Variants in FAT1 observed in about 807,000 individuals in gnomAD.
FAT1 encodes FAT atypical cadherin 1, also known as protocadherin Fat 1.
Under a neutral mutation model 329.8 loss-of-function variants are expected in FAT1, and 171 were observed. The observed-to-expected ratio is 0.52, with a 90% CI of 0.46 to 0.59. The LOEUF is 0.59. Ranked by LOEUF, FAT1 falls within the 20% of genes least tolerant of loss-of-function variation. The pLI, the probability that FAT1 is intolerant of heterozygous loss-of-function variation, is 0.00. For missense variants in FAT1, 5,672 were observed against 5,774.4 expected (o/e 0.98, Z 0.57); for synonymous variants, 2,233 against 2,228.6 (o/e 1.00, Z -0.06).
chr4:186,703,398 T>TA (rs1323792151), intron 2 of FAT1, among the ~76,000 whole-genome samples: 2 of 152,202 alleles, frequency 1.3e-5, no homozygotes, highest in Non-Finnish European at 2.9e-5. Flanking sequence ...GGAAAGATCT[T>TA]AAAATAGAAC....
chr4:186,687,660 C>T (rs968579409), intron 2 of FAT1, among the ~76,000 whole-genome samples: 6 of 152,090 alleles, frequency 3.9e-5, no homozygotes, highest in South Asian at 2.1e-4. Flanking sequence ...TGGTATAATG[C>T]GTATATCTCA....
chr4:186,592,586 C>A, intron 26 of FAT1: 1 of 426,310 alleles, frequency 2.3e-6, no homozygotes, highest in South Asian at 1.7e-5. Context: ...TCAACCCCCT[C>A]AAAACCACAA....
intron 2 of FAT1, among the ~76,000 whole-genome samples, chr4:186,688,407 A>G (rs769579187): frequency 1.3e-5 from 2 of 152,262 alleles, no homozygotes; most frequent in South Asian, 4.2e-4. Context: ...ATTCCTGTTC[A>G]TAAGGTAATC....
rs116979169 is a variant in FAT1, at chr4:186,627,874, T to C, written c.4810+280A>G. On this transcript the variant is annotated intron_variant, in intron 9 of 26. Coordinates refer to ENST00000441802, the MANE Select transcript of FAT1 (RefSeq NM_005245.4). ...TTAAAATAATTTCAGAAATACTGAA[T>C]TGGTCAAATAAAGTTTCCTCTACTA... 3.9e-5 allele frequency among the ~76,000 whole-genome samples: 6 copies of C among 152,262 alleles called. No individual in the cohort carries two copies. In the East Asian group the frequency reaches 1.2e-3, roughly 29 times the overall value.
At position 186,708,985 on chromosome 4, in the gene FAT1, G is replaced by A. The variant is rs376291103; in HGVS notation, c.843C>T (p.Cys281=). The part of the protein sequence containing the change: ...PAYAIVTVDD[C]DQGANGDIAS... Reference sequence around the variant, plus strand: ...CTATGTCACCATTGGCACCCTGATCGCAGTCATCCACTGTCACAATTGCAT... The same window carrying A: ...CTATGTCACCATTGGCACCCTGATCACAGTCATCCACTGTCACAATTGCAT... Residue 281 remains cysteine (C), a synonymous_variant, in exon 2 of 27, where the codon TGC becomes TGT. Transcript: ENST00000441802. The A allele has an allele frequency of 1.4e-4, 218 of 1,613,934 alleles. 2 individuals are homozygous for A. Among genetic ancestry groups the A allele is most frequent in the South Asian group, 1.0e-3 (93 of 91,078 alleles).
chr4:186,654,223 T>C (rs369393766), intron 3 of FAT1, among the ~76,000 whole-genome samples: 19 of 152,308 alleles, frequency 1.2e-4, no homozygotes, highest in African/African-American at 4.3e-4. Flanking sequence ...CAGCAGGCTA[T>C]TGGTATCTGT....
In FAT1 at chr4:186,599,928, C is replaced by T. The variant is rs1331161303; in HGVS notation, c.12073G>A (p.Gly4025Arg). 1.2e-6 allele frequency: 2 copies of T among 1,613,210 alleles called. No individual in the cohort carries two copies. The highest frequency in any genetic ancestry group is 1.7e-6 in the Non-Finnish European group (2 of 1,179,406). ...GCAGGTGACGGATTGCAAACGCCTC[C>T]ATTCTGGCAAGGGTTGCTGGCGCAG... is the stretch of plus-strand genomic sequence containing the variant. Reference protein sequence around the residue: ...EDCASNPCQNGGVCNPSPAGG... With the variant: ...EDCASNPCQNRGVCNPSPAGG... Residue 4025 changes from glycine to arginine, a missense_variant, in exon 22 of 27, where the codon GGA becomes AGA. Physicochemically the swap from Gly to Arg is moderately radical, Grantham distance 125 (BLOSUM62 -2). This residue lies in a region of FAT1 where 1,706 missense variants were observed against 1,859.1 expected (regional missense o/e 0.92). Transcript: ENST00000441802.
chr4:186,709,511 G>A lies in FAT1; in HGVS notation c.317C>T (p.Ala106Val), dbSNP rs2126704748. Reference sequence around the variant, plus strand: ...ATCCTTCACTTCTCTATTAAGAATAGCTGTATTTCCTCCTTTGGTCCTTAT... The same window carrying A: ...ATCCTTCACTTCTCTATTAAGAATAACTGTATTTCCTCCTTTGGTCCTTAT... ...LRIRTKGGNT[A>V]ILNREVKDHY... Residue 106 changes from alanine (A) to valine (V), a missense_variant, in exon 2 of 27, where the codon GCT (alanine) becomes GTT (valine). Around this residue, in one of 2 missense-constraint regions of FAT1, gnomAD observed 3,966 missense variants for 3,915.2 expected, o/e 1.01. Coordinates refer to ENST00000441802, the MANE Select transcript of FAT1 (RefSeq NM_005245.4). 6.2e-7 allele frequency: 1 copy of A among 1,613,960 alleles called. No homozygotes were observed. The highest frequency in any genetic ancestry group is 8.5e-7 in the Non-Finnish European group (1 of 1,179,880).
At position 186,707,954 on chromosome 4, in the gene FAT1, G is replaced by A. The variant is rs2126692643; in HGVS notation, c.1874C>T (p.Ser625Leu). ...FSLNPNSGVL[S>L]LKRSLMDGLG... ...GCCATCCATTAGCGATCGCTTTAAT[G>A]ACAATACCCCCGAGTTGGGGTTTAA... is the stretch of plus-strand genomic sequence containing the variant. Residue 625 changes from serine (S) to leucine (L), a missense_variant, in exon 2 of 27, where the codon TCA (serine) becomes TTA (leucine). By Grantham distance (145) the Ser-to-Leu change is moderately radical. Around this residue, in one of 2 missense-constraint regions of FAT1, gnomAD observed 3,966 missense variants for 3,915.2 expected, o/e 1.01. Coordinates refer to ENST00000441802, the MANE Select transcript of FAT1 (RefSeq NM_005245.4). 6.2e-7 allele frequency: 1 copy of A among 1,613,904 alleles called. No individual in the cohort carries two copies. The highest frequency in any genetic ancestry group is 2.2e-5 in the East Asian group (1 of 44,852).
chr4:186,723,101 G>A (rs1228749987), intron 1 of FAT1, among the ~76,000 whole-genome samples: 1 of 152,196 alleles, frequency 6.6e-6, no homozygotes, highest in Admixed American at 6.5e-5. Context: ...AAAGATCTTA[G>A]AAGTTCCTCC....
chr4:186,594,633 T>C (rs1184764556), intron 26 of FAT1, among the ~76,000 whole-genome samples: 1 of 142,550 alleles, frequency 7.0e-6, no homozygotes, highest in Non-Finnish European at 1.5e-5. Context: ...AATATACCTG[T>C]GTTGATTAGG....
At chr4:186,712,306 C>T (rs752879883) in intron 1 of FAT1, among the ~76,000 whole-genome samples, 1 of 152,052 alleles carries the variant, frequency 6.6e-6, no homozygotes, top group Non-Finnish European at 1.5e-5. Flanking sequence ...TCTGGAGAAC[C>T]GGTAGAGAAA....
chr4:186,644,381 C>G (rs566229625), intron 3 of FAT1, among the ~76,000 whole-genome samples: 92 of 152,168 alleles, frequency 6.0e-4, no homozygotes, highest in Non-Finnish European at 1.1e-3. Context: ...CTGCCAAGCA[C>G]TGATAATTAA....
chr4:186,616,429 C>T lies in FAT1; in HGVS notation c.9075+576G>A, dbSNP rs542455671. 5.1e-4 allele frequency among the ~76,000 whole-genome samples: 77 copies of T among 152,224 alleles called. 1 individual carries two copies. In the South Asian group the frequency reaches 0.015, roughly 29 times the overall value. On this transcript the variant is annotated intron_variant, in intron 11 of 26. Transcript: ENST00000441802. ...CACTCCTGACGACCCACTTACTGCC[C>T]CCCGAAGCTGAGCCAGCCCTTTCTC...
intron 2 of FAT1, among the ~76,000 whole-genome samples, chr4:186,700,548 A>G (rs1184022534): frequency 6.6e-6 from 1 of 152,208 alleles, no homozygotes; most frequent in Non-Finnish European, 1.5e-5. Context: ...AGGACCAAGC[A>G]TCGAATCTAG....
chr4:186,686,141 T>C (rs1743449422), intron 2 of FAT1, among the ~76,000 whole-genome samples: 1 of 152,174 alleles, frequency 6.6e-6, no homozygotes, highest in Admixed American at 6.5e-5. Flanking sequence ...TTCCAGATGA[T>C]TAAAGATGCA....
chr4:186,692,151 C>T (rs1213447780), intron 2 of FAT1, among the ~76,000 whole-genome samples: 3 of 152,166 alleles, frequency 2.0e-5, no homozygotes, highest in Non-Finnish European at 4.4e-5. Flanking sequence ...TGAGTCAATA[C>T]AGTTACACGT....
rs1212318215 is a variant in FAT1 at position 186,707,136 on chromosome 4, T to C, written c.2692A>G (p.Arg898Gly). 12 of 1,613,972 alleles carry C rather than the reference T, an allele frequency of 7.4e-6. No homozygotes were observed. Among genetic ancestry groups the C allele is most frequent in the Non-Finnish European group, 1.0e-5 (12 of 1,179,870 alleles). ...QHEHSLKIEA[R>G]DQAREEPQLF... The stretch of plus-strand genomic sequence containing the variant: ...TGAGGCTCTTCTCTGGCTTGGTCCC[T>C]GGCCTCAATCTTTAAGGAGTGCTCA... The change falls in exon 2 of 27, where the codon AGG becomes GGG. Residue 898 changes from arginine (R) to glycine (G), a missense_variant. Transcript: ENST00000441802.
Position 186,628,325 on chromosome 4 carries a change from T to C in FAT1, c.4639A>G (p.Arg1547Gly), listed in dbSNP as rs1286999415. 1.2e-6 allele frequency: 2 copies of C among 1,613,346 alleles called. No homozygotes were observed. The highest frequency in any genetic ancestry group is 1.3e-5 in the African/African-American group (1 of 75,052). Residue 1547 changes from arginine to glycine, a missense_variant, in exon 9 of 27, where the codon AGG becomes GGG. Arg to Gly is a moderately radical substitution (Grantham distance 125). Coordinates refer to ENST00000441802, the MANE Select transcript of FAT1 (RefSeq NM_005245.4). ...GTGTCGCTGACATTGACCACAATCCTTGCAAAGTTGCGTTTTACAGGCACA... is the reference window on the plus strand; with the variant it reads ...GTGTCGCTGACATTGACCACAATCCCTGCAAAGTTGCGTTTTACAGGCACA... ...QDVPVKRNFA[R>G]IVVNVSDTND...
Sources: gnomAD v4.1 joint callset for allele counts (sites outside exome capture counted in the v4.1 genomes callset) on GRCh38, gnomAD v4.1.1 for gene constraint, gnomAD v4.1.1 regional missense constraint, MANE v1.5 for transcripts, NCBI Gene and HGNC (gene_info 2026-07-23, HGNC 2026-07-21) for gene names.